FNDC3B: variants seen among roughly 807,000 people sequenced by gnomAD.
FNDC3B encodes fibronectin type III domain containing 3B.
FNDC3B carries 12 observed loss-of-function variants against 151.5 expected under a neutral mutation model. That is an observed-to-expected ratio of 0.08 (90% CI 0.05 to 0.13). The LOEUF is 0.13. Among genes scored for constraint, FNDC3B ranks in the 10% least tolerant of loss-of-function variants. The pLI is 1.00. For missense variants in FNDC3B, 1,214 were observed against 1,505.3 expected (o/e 0.81, Z 3.20); for synonymous variants, 528 against 549.0 (o/e 0.96, Z 0.54).
chr3:172,377,969 A>G (rs1560107049), intron 23 of FNDC3B, among the ~76,000 whole-genome samples: 1 of 152,184 alleles, frequency 6.6e-6, no homozygotes. Flanking sequence ...AAAAATTTGA[A>G]AATTCTGTTT....
chr3:172,300,617 G>A (rs1730857881), intron 9 of FNDC3B, among the ~76,000 whole-genome samples: 3 of 152,134 alleles, frequency 2.0e-5, no homozygotes. Context: ...GCATGACGTG[G>A]TTACCATCTA....
intron 3 of FNDC3B, among the ~76,000 whole-genome samples, chr3:172,142,467 T>A (rs560346002): frequency 6.6e-6 from 1 of 152,246 alleles, no homozygotes; most frequent in Admixed American, 6.5e-5. Context: ...GATCTTTGCA[T>A]GTCAGATAAT....
At chr3:172,124,598 CAG>C (rs1279683778) in intron 2 of FNDC3B, among the ~76,000 whole-genome samples, 1 of 152,200 alleles carries the variant, frequency 6.6e-6, no homozygotes, top group African/African-American at 2.4e-5. Flanking sequence ...TATGAAAGGT[CAG>C]AGTTAGGACT....
intron 3 of FNDC3B, among the ~76,000 whole-genome samples, chr3:172,172,391 C>G (rs1166873519): frequency 6.6e-6 from 1 of 152,146 alleles, no homozygotes; most frequent in Non-Finnish European, 1.5e-5. Flanking sequence ...GTAGGAATAG[C>G]TACAATTACC....
chr3:172,275,294 C>G (rs1729379106), intron 6 of FNDC3B, among the ~76,000 whole-genome samples: 1 of 152,038 alleles, frequency 6.6e-6, no homozygotes, highest in Non-Finnish European at 1.5e-5. Flanking sequence ...ACACTAGTTT[C>G]ATTCTGAGGG....
intron 11 of FNDC3B, among the ~76,000 whole-genome samples, chr3:172,314,333 G>T (rs369848912): frequency 6.6e-6 from 1 of 152,162 alleles, no homozygotes; most frequent in Admixed American, 6.6e-5. Flanking sequence ...AGTTTTTGAG[G>T]TGCACAGAGA....
At chr3:172,362,943 C>T (rs1734436816) in intron 23 of FNDC3B, 98 bp downstream of exon 23, 2 of 934,308 alleles carry the variant, frequency 2.1e-6, no homozygotes, top group African/African-American at 1.7e-5. Context: ...CTAAGACCCT[C>T]TTCCTTCTTG....
intron 3 of FNDC3B, among the ~76,000 whole-genome samples, chr3:172,201,416 A>T (rs961000871): frequency 1.3e-5 from 2 of 152,200 alleles, no homozygotes; most frequent in African/African-American, 4.8e-5. Flanking sequence ...GACATGGGAT[A>T]TGCGTGCGTA....
intron 1 of FNDC3B, among the ~76,000 whole-genome samples, chr3:172,050,786 T>C (rs1300679375): frequency 1.3e-5 from 2 of 151,896 alleles, no homozygotes; most frequent in Non-Finnish European, 2.9e-5. Context: ...TGTGTATATA[T>C]ATTGCTGTAT....
At chr3:172,062,691 G>A (rs1576828425) in intron 1 of FNDC3B, among the ~76,000 whole-genome samples, 1 of 151,942 alleles carries the variant, frequency 6.6e-6, no homozygotes, top group East Asian at 1.9e-4. Context: ...ATTATATATG[G>A]TATTTCTAAG....
intron 3 of FNDC3B, among the ~76,000 whole-genome samples, chr3:172,201,398 A>G (rs1308850739): frequency 6.6e-6 from 1 of 152,098 alleles, no homozygotes; most frequent in East Asian, 1.9e-4. Flanking sequence ...CTACTTGGAC[A>G]TATTAGGGAC....
intron 7 of FNDC3B, among the ~76,000 whole-genome samples, chr3:172,287,805 C>T (rs890495887): frequency 6.6e-6 from 1 of 152,162 alleles, no homozygotes; most frequent in Non-Finnish European, 1.5e-5. Flanking sequence ...TTTCTTGATG[C>T]AGTATTTCTT....
intron 3 of FNDC3B, chr3:172,186,812 T>C (rs1248201396): frequency 1.4e-6 from 1 of 691,430 alleles, no homozygotes; most frequent in African/African-American, 1.8e-5. Flanking sequence ...GTCATAGATA[T>C]TTCTTCATTA....
chr3:172,228,847 G>A (rs1726727389), intron 4 of FNDC3B, among the ~76,000 whole-genome samples: 2 of 152,124 alleles, frequency 1.3e-5, no homozygotes, highest in South Asian at 4.1e-4. Context: ...TTCCGTGATA[G>A]TATTATGTCT....
intron 2 of FNDC3B, among the ~76,000 whole-genome samples, chr3:172,118,725 G>A (rs1221615999): frequency 6.6e-6 from 1 of 152,172 alleles, no homozygotes; most frequent in Non-Finnish European, 1.5e-5. Context: ...TCAGCATCAA[G>A]ATGCGTGAGA....
At chr3:172,117,706 C>G (rs1294881308) in intron 2 of FNDC3B, among the ~76,000 whole-genome samples, 1 of 152,206 alleles carries the variant, frequency 6.6e-6, no homozygotes, top group African/African-American at 2.4e-5. Flanking sequence ...CACTGAGGGT[C>G]AATTCCTAGT....
At chr3:172,193,910 G>A (rs893279495) in intron 3 of FNDC3B, among the ~76,000 whole-genome samples, 9 of 152,164 alleles carry the variant, frequency 5.9e-5, no homozygotes, top group Non-Finnish European at 1.3e-4. Context: ...TGGGTGAGCA[G>A]GCCAAATGTT....
At chr3:172,304,591 A>AGCT (rs1731097155) in intron 9 of FNDC3B, among the ~76,000 whole-genome samples, 2 of 152,204 alleles carry the variant, frequency 1.3e-5, no homozygotes, top group Admixed American at 1.3e-4. Context: ...TCATTACTAC[A>AGCT]GGGCAGGAAA....
chr3:172,377,649 C>T (rs184961060), intron 23 of FNDC3B, among the ~76,000 whole-genome samples: 1 of 152,256 alleles, frequency 6.6e-6, no homozygotes, highest in Admixed American at 6.5e-5. Flanking sequence ...CCCACCTGTG[C>T]TGTTTGTCTG....
Sources: allele counts gnomAD v4.1 joint callset (sites outside exome capture counted in the v4.1 genomes callset), GRCh38; gene constraint gnomAD v4.1.1; transcripts MANE v1.5; gene names NCBI Gene and HGNC (gene_info 2026-07-23, HGNC 2026-07-21).